Variants in XKRX observed in about 807,000 individuals in gnomAD.
XKRX encodes the protein XK related X-linked, also known as XK-related protein 2.
A neutral mutation model predicts 22.4 loss-of-function variants in XKRX; 11 were observed. The observed-to-expected ratio is 0.49, with a 90% CI of 0.31 to 0.81. XKRX has a LOEUF of 0.81. Ranked by LOEUF, XKRX falls within the 40% of genes least tolerant of loss-of-function variation. The probability of loss-of-function intolerance (pLI) is 0.05; values close to 1 mark genes in which losing one functional copy is unlikely to be tolerated. For missense variants in XKRX, 320 were observed against 336.5 expected (o/e 0.95, Z 0.38); for synonymous variants, 114 against 132.2 (o/e 0.86, Z 0.94).
chrX:100,891,421 T>C, the XKRX span, among the ~76,000 whole-genome samples: 1 of 111,543 alleles, frequency 9.0e-6, no homozygotes, highest in Non-Finnish European at 1.9e-5. Flanking sequence ...GGAGGAATTA[T>C]GTTACCCGAT....
intron 2 of XKRX, among the ~76,000 whole-genome samples, chrX:100,916,610 T>C (rs1473687138): frequency 8.9e-6 from 1 of 112,281 alleles, no homozygotes; most frequent in African/African-American, 3.2e-5. Context: ...TTGATGTATA[T>C]CTTCTTCAAG....
chrX:100,926,108 A>G (rs1369757072), intron 1 of XKRX, among the ~76,000 whole-genome samples: 1 of 111,766 alleles, frequency 8.9e-6, no homozygotes, highest in Non-Finnish European at 1.9e-5. Flanking sequence ...GTTTTCATTT[A>G]TCATCTCACA....
chrX:100,951,343 C>T, the XKRX span, among the ~76,000 whole-genome samples: 4,227 of 103,474 alleles, frequency 0.041, 221 homozygotes, highest in African/African-American at 0.14. Context: ...TCATTAGAAG[C>T]CCAAACCTCA....
At chrX:100,958,593 AGAG>A in the XKRX span, among the ~76,000 whole-genome samples, 1 of 112,278 alleles carries the variant, frequency 8.9e-6, no homozygotes, top group East Asian at 2.8e-4. Context: ...TTGAGAAAAG[AGAG>A]GAGGAGGGGA....
At chrX:100,932,813 A>G (rs1426816018), upstream of XKRX, among the ~76,000 whole-genome samples, 1 of 112,526 alleles carries the variant, frequency 8.9e-6, no homozygotes, top group East Asian at 2.8e-4. Context: ...ATCAATAGCC[A>G]GAATGGAAGA....
intron 2 of XKRX, among the ~76,000 whole-genome samples, chrX:100,918,060 A>G (rs781286382): frequency 1.8e-5 from 2 of 111,754 alleles, no homozygotes; most frequent in East Asian, 5.6e-4. Flanking sequence ...TTACTAAGAA[A>G]AATCCAGTGC....
At chrX:100,924,108 T>C (rs777158909) in intron 1 of XKRX, among the ~76,000 whole-genome samples, 59 of 107,086 alleles carry the variant, frequency 5.5e-4, no homozygotes, top group Non-Finnish European at 9.6e-4. Context: ...CACCTCAGCT[T>C]CCCAAAGTGC....
intron 1 of XKRX, 28 bp downstream of exon 1, chrX:100,927,942 G>A (rs1642354424): frequency 8.6e-7 from 1 of 1,163,740 alleles, no homozygotes; most frequent in Non-Finnish European, 1.1e-6. Context: ...GGTTAGGGGG[G>A]TAAGGAAAAG....
intron 1 of XKRX, 47 bp downstream of exon 1, chrX:100,927,923 C>A (rs1279827676): frequency 1.8e-6 from 2 of 1,140,853 alleles, no homozygotes; most frequent in Non-Finnish European, 2.3e-6. Flanking sequence ...CTGCCCAAGT[C>A]TGGGGTGGGG....
At chrX:100,927,684 G>A (rs917117297) in intron 1 of XKRX, among the ~76,000 whole-genome samples, 3 of 111,400 alleles carry the variant, frequency 2.7e-5, no homozygotes, top group African/African-American at 9.8e-5. Flanking sequence ...CTGCAGCTAT[G>A]GCCTTCATGC....
In XKRX at chrX:100,923,191, A is replaced by G. The variant is rs759701198; in HGVS notation, c.336-130T>C. 1.3e-5 allele frequency: 11 copies of G among 818,057 alleles called. No homozygotes were observed. The African/African-American group carries it at 1.6e-4, about 12-fold the overall frequency. 67.4% of individuals were successfully genotyped at this position (818,057 alleles called of 1,213,427 possible). A position where few individuals can be genotyped will look rare whatever the true frequency, so the allele number is the denominator to read the frequency against. On this transcript the variant is annotated intron_variant, in intron 1 of 2. Transcript: ENST00000372956. ...TTTTGAGACAAGGTCTTACTCCATC[A>G]CCCTGGCTGGAGTGCAGTGGCACAA...
At chrX:100,915,817 G>C (rs73563415) in intron 2 of XKRX, among the ~76,000 whole-genome samples, 4,720 of 109,593 alleles carry the variant, frequency 0.043, 237 homozygotes, top group African/African-American at 0.13. Context: ...AGTGAAATGA[G>C]CTAGACACAT....
intron 2 of XKRX, among the ~76,000 whole-genome samples, chrX:100,920,781 C>T (rs377581360): frequency 4.5e-5 from 5 of 111,632 alleles, no homozygotes; most frequent in Admixed American, 2.9e-4. Flanking sequence ...ATTTATGAGA[C>T]GGGAGTCTCC....
At chrX:100,917,078 C>A (rs185455908) in intron 2 of XKRX, among the ~76,000 whole-genome samples, 1 of 111,161 alleles carries the variant, frequency 9.0e-6, no homozygotes, top group Non-Finnish European at 1.9e-5. Flanking sequence ...GTGATTGCAC[C>A]ACTGCGATCC....
At chrX:100,902,756 TA>T in the XKRX span, among the ~76,000 whole-genome samples, 3 of 109,968 alleles carry the variant, frequency 2.7e-5, no homozygotes, top group Admixed American at 2.0e-4. Flanking sequence ...AAAGAACATC[TA>T]TTTTTTTTTT....
chrX:100,901,090 C>T, the XKRX span, among the ~76,000 whole-genome samples: 1 of 111,296 alleles, frequency 9.0e-6, no homozygotes, highest in Non-Finnish European at 1.9e-5. Context: ...GCACCTGGCC[C>T]ACAATCTCCA....
chrX:100,904,112 T>C, the XKRX span, among the ~76,000 whole-genome samples: 10 of 111,969 alleles, frequency 8.9e-5, no homozygotes, highest in African/African-American at 3.2e-4. Flanking sequence ...CAAGACTGTG[T>C]GGTATTGGTG....
At chrX:100,948,849 C>T in the XKRX span, among the ~76,000 whole-genome samples, 1 of 112,458 alleles carries the variant, frequency 8.9e-6, no homozygotes, top group Admixed American at 9.4e-5. Flanking sequence ...TGGAACCAGG[C>T]TATGAGAAGT....
At chrX:100,924,005 G>GTTTTT (rs10600680) in intron 1 of XKRX, among the ~76,000 whole-genome samples, 72 of 77,119 alleles carry the variant, frequency 9.3e-4, no homozygotes, top group African/African-American at 3.3e-3. Context: ...TCCGGCTAAG[G>GTTTTT]TTTTTTTTTT....
Sources: allele counts gnomAD v4.1 joint callset (sites outside exome capture counted in the v4.1 genomes callset), GRCh38; gene constraint gnomAD v4.1.1; transcripts MANE v1.5; gene names NCBI Gene and HGNC (gene_info 2026-07-23, HGNC 2026-07-21).